The following PPP2R5C variants were observed in gnomAD, a reference collection of about 807,000 sequenced individuals.
The protein encoded by PPP2R5C is protein phosphatase 2 regulatory subunit B'gamma.
In PPP2R5C, 7 loss-of-function variants were observed where a neutral mutation model predicts 68.9. The ratio of observed to expected loss-of-function variants is 0.10; its 90% CI spans 0.06 to 0.19. PPP2R5C has a LOEUF of 0.19. Among genes scored for constraint, PPP2R5C ranks in the 10% least tolerant of loss-of-function variants. The probability of loss-of-function intolerance (pLI) is 1.00; values close to 1 mark genes in which losing one functional copy is unlikely to be tolerated. For missense variants in PPP2R5C, 348 were observed against 641.3 expected, an observed-to-expected ratio of 0.54 and a Z score of 4.94; for synonymous variants, 210 against 222.2, an observed-to-expected ratio of 0.95 and a Z score of 0.49.
intron 2 of PPP2R5C, among the ~76,000 whole-genome samples, chr14:101,774,819 C>T (rs771790740): frequency 1.3e-5 from 2 of 152,110 alleles, no homozygotes; most frequent in Admixed American, 6.5e-5. Context: ...TGTCCTGGCA[C>T]GAGAATCAGT....
chr14:101,793,999 C>T (rs1389024767), intron 3 of PPP2R5C, among the ~76,000 whole-genome samples: 1 of 152,152 alleles, frequency 6.6e-6, no homozygotes, highest in African/African-American at 2.4e-5. Context: ...TCTCTTCTCT[C>T]TACCAGCTGA....
intron 2 of PPP2R5C, among the ~76,000 whole-genome samples, chr14:101,875,884 A>G (rs561861212): frequency 6.6e-6 from 1 of 152,236 alleles, no homozygotes; most frequent in South Asian, 2.1e-4. Context: ...AGTGCCTTTT[A>G]TTAGAGTTTT....
chr14:101,808,364 C>T (rs972790037), upstream of PPP2R5C, among the ~76,000 whole-genome samples: 2 of 152,176 alleles, frequency 1.3e-5, no homozygotes, highest in Admixed American at 1.3e-4. Context: ...TGGTGCGTGC[C>T]CACTGCCCAC....
intron 2 of PPP2R5C, chr14:101,766,969 T>G (rs1417245524): frequency 6.6e-6 from 1 of 152,248 alleles, no homozygotes; most frequent in Non-Finnish European, 1.5e-5. Context: ...CAATGTTACA[T>G]TTTTAGAAGT....
intron 1 of PPP2R5C, among the ~76,000 whole-genome samples, chr14:101,814,437 G>C (rs576091561): frequency 6.6e-6 from 1 of 152,190 alleles, no homozygotes; most frequent in African/African-American, 2.4e-5. Context: ...AACAGGGGTG[G>C]GTATGTTTGT....
chr14:101,802,446 C>A (rs962155498), intron 3 of PPP2R5C, among the ~76,000 whole-genome samples: 1 of 151,900 alleles, frequency 6.6e-6, no homozygotes, highest in African/African-American at 2.4e-5. Context: ...GAAGTGGGAC[C>A]CTTACCTTCA....
intron 2 of PPP2R5C, among the ~76,000 whole-genome samples, chr14:101,859,914 CTT>C (rs34361568): frequency 1.4e-5 from 2 of 145,514 alleles, no homozygotes; most frequent in East Asian, 2.0e-4. Context: ...TTAATTTCCA[CTT>C]TTTTTTTTTT....
intron 1 of PPP2R5C, among the ~76,000 whole-genome samples, chr14:101,837,956 G>C (rs2041221317): frequency 1.3e-5 from 2 of 152,140 alleles, no homozygotes; most frequent in Admixed American, 6.5e-5. Context: ...TGTCGGACTT[G>C]GCCGTGTTCT....
intron 8 of PPP2R5C, among the ~76,000 whole-genome samples, chr14:101,897,544 G>A (rs12588329): frequency 0.12 from 18,457 of 151,864 alleles, 1,728 homozygotes; most frequent in African/African-American, 0.26. Context: ...GGAAGCGTCC[G>A]GCACGGGAGA....
intron 1 of PPP2R5C, among the ~76,000 whole-genome samples, chr14:101,821,452 G>GGT (rs71116851): frequency 0.2 from 24,111 of 120,560 alleles, 2,305 homozygotes; most frequent in Non-Finnish European, 0.23. Flanking sequence ...TGGGTGGGTG[G>GGT]GTGTGTGTGT....
intron 5 of PPP2R5C, among the ~76,000 whole-genome samples, chr14:101,884,805 C>T (rs184642539): frequency 3.3e-5 from 5 of 152,336 alleles, no homozygotes; most frequent in African/African-American, 9.6e-5. Context: ...CCTGACTTGG[C>T]GGTGGGTCTG....
chr14:101,769,089 G>C (rs1255702109), intron 2 of PPP2R5C, among the ~76,000 whole-genome samples: 1 of 152,198 alleles, frequency 6.6e-6, no homozygotes, highest in Non-Finnish European at 1.5e-5. Context: ...CTCCCAAAGT[G>C]CTGGGATTAC....
chr14:101,886,314 T>C (rs2044511334), intron 5 of PPP2R5C, among the ~76,000 whole-genome samples: 1 of 152,136 alleles, frequency 6.6e-6, no homozygotes, highest in Non-Finnish European at 1.5e-5. Flanking sequence ...GAAAGTGTTT[T>C]GTACCTTAAA....
chr14:101,786,139 G>A (rs1159916813), exon 3 of PPP2R5C: 1 of 1,589,628 alleles, frequency 6.3e-7, no homozygotes, highest in African/African-American at 1.3e-5. Context: ...TCAAGGTTTA[G>A]CGCAAGCAAT....
intron 2 of PPP2R5C, among the ~76,000 whole-genome samples, chr14:101,864,671 G>A (rs1006898649): frequency 6.6e-6 from 1 of 152,136 alleles, no homozygotes; most frequent in Admixed American, 6.6e-5. Context: ...GGAGGGAAGG[G>A]GAGGGGAGTG....
At chr14:101,898,363 C>T (rs937978736) in intron 8 of PPP2R5C, among the ~76,000 whole-genome samples, 5 of 152,144 alleles carry the variant, frequency 3.3e-5, no homozygotes, top group Admixed American at 1.3e-4. Context: ...ATCTCTATCC[C>T]GCCATCCACT....
At chr14:101,855,253 A>G (rs548914566) in intron 1 of PPP2R5C, among the ~76,000 whole-genome samples, 2 of 152,304 alleles carry the variant, frequency 1.3e-5, no homozygotes, top group Non-Finnish European at 2.9e-5. Flanking sequence ...TATTTTTGCA[A>G]ATCTCTGCAA....
At chr14:101,905,815 G>T (rs1343985400) in intron 9 of PPP2R5C, among the ~76,000 whole-genome samples, 2 of 152,044 alleles carry the variant, frequency 1.3e-5, no homozygotes, top group Non-Finnish European at 2.9e-5. Flanking sequence ...TGACAACTCA[G>T]GACCTCTCCT....
At chr14:101,872,840 C>T (rs531732463) in intron 2 of PPP2R5C, among the ~76,000 whole-genome samples, 1 of 151,720 alleles carries the variant, frequency 6.6e-6, no homozygotes, top group African/African-American at 2.4e-5. Flanking sequence ...TTTTTTCTGT[C>T]CCATGACCCT....
Sources: gnomAD v4.1 joint callset for allele counts (sites outside exome capture counted in the v4.1 genomes callset) on GRCh38, gnomAD v4.1.1 for gene constraint, MANE v1.5 for transcripts, NCBI Gene and HGNC (gene_info 2026-07-23, HGNC 2026-07-21) for gene names.